Variants in FBXL20 observed in about 807,000 individuals in gnomAD.
FBXL20 encodes the protein F-box and leucine rich repeat protein 20, also known as F-box/LRR-repeat protein 20.
Under a neutral mutation model 64.0 loss-of-function variants are expected in FBXL20, and 11 were observed. The ratio of observed to expected loss-of-function variants is 0.17; its 90% confidence interval spans 0.11 to 0.28. FBXL20 has a LOEUF of 0.28. Among genes scored for constraint, FBXL20 ranks in the 10% least tolerant of loss-of-function variants. The probability of loss-of-function intolerance (pLI) is 1.00; values close to 1 mark genes in which losing one functional copy is unlikely to be tolerated. For missense variants in FBXL20, 303 were observed against 526.2 expected, an observed-to-expected ratio of 0.58 and a Z score of 4.15; for synonymous variants, 184 against 189.0, an observed-to-expected ratio of 0.97 and a Z score of 0.22.
chr17:39,328,427 T>G (rs187902939), intron 2 of FBXL20, among the ~76,000 whole-genome samples: 11 of 152,118 alleles, frequency 7.2e-5, no homozygotes, highest in Non-Finnish European at 1.5e-4. Flanking sequence ...CAATGAATGA[T>G]GGGAACATAT....
At chr17:39,363,805 TATCTCAA>T (rs2047823386) in intron 1 of FBXL20, among the ~76,000 whole-genome samples, 1 of 55,030 alleles carries the variant, frequency 1.8e-5, no homozygotes, top group Non-Finnish European at 3.1e-5. Flanking sequence ...AGCAAGACTT[TATCTCAA>T]AAAAAAAAAA....
At chr17:39,388,515 G>T (rs754906385) in intron 1 of FBXL20, among the ~76,000 whole-genome samples, 1 of 146,078 alleles carries the variant, frequency 6.8e-6, no homozygotes, top group Non-Finnish European at 1.5e-5. Context: ...ACGGCGTCTC[G>T]CTCTGTCGCC....
chr17:39,363,827 C>CAAAAAAAAAAAAAAA (rs1555612706), intron 1 of FBXL20, among the ~76,000 whole-genome samples: 3 of 78,006 alleles, frequency 3.8e-5, no homozygotes, highest in Admixed American at 1.7e-4. Context: ...AAAAAAAAAA[C>CAAAAAAAAAAAAAAA]AAAAAACAAA....
chr17:39,284,873 C>A (rs1287584134), intron 7 of FBXL20, among the ~76,000 whole-genome samples: 3 of 152,090 alleles, frequency 2.0e-5, no homozygotes, highest in Non-Finnish European at 2.9e-5. Flanking sequence ...CTTAAAGTAC[C>A]TGGTTAATAA....
chr17:39,271,714 G>A (rs1191742776), intron 10 of FBXL20, among the ~76,000 whole-genome samples: 15 of 151,876 alleles, frequency 9.9e-5, no homozygotes, highest in Non-Finnish European at 2.9e-5. Context: ...AGGCTCCCAT[G>A]GAGGCCCAGT....
intron 1 of FBXL20, among the ~76,000 whole-genome samples, chr17:39,347,403 C>A (rs890287857): frequency 6.6e-6 from 1 of 152,144 alleles, no homozygotes; most frequent in Non-Finnish European, 1.5e-5. Context: ...GAGATGGTAT[C>A]TCATTATGGT....
intron 2 of FBXL20, among the ~76,000 whole-genome samples, chr17:39,325,496 C>G (rs1204202823): frequency 6.6e-6 from 1 of 151,904 alleles, no homozygotes; most frequent in African/African-American, 2.4e-5. Context: ...GGAAAGTGAA[C>G]AAAAACAGGT....
chr17:39,362,486 G>A (rs548971634), intron 1 of FBXL20, among the ~76,000 whole-genome samples: 4 of 151,406 alleles, frequency 2.6e-5, no homozygotes, highest in Admixed American at 2.6e-4. Context: ...ACCACACCCA[G>A]CTAATTTTCT....
intron 2 of FBXL20, among the ~76,000 whole-genome samples, chr17:39,322,163 CAAAAA>C (rs761771926): frequency 3.8e-4 from 20 of 52,546 alleles, no homozygotes; most frequent in Admixed American, 1.4e-3. Context: ...CTATCTCTAC[CAAAAA>C]AAAAAAAAAA....
intron 1 of FBXL20, among the ~76,000 whole-genome samples, chr17:39,354,330 T>C (rs1290962909): frequency 6.6e-6 from 1 of 152,220 alleles, no homozygotes; most frequent in Non-Finnish European, 1.5e-5. Flanking sequence ...AGAGTACCTG[T>C]GCAATGAAAT....
intron 1 of FBXL20, among the ~76,000 whole-genome samples, chr17:39,382,851 CTAAATTTTA>C (rs759381535): frequency 4.0e-5 from 6 of 151,650 alleles, no homozygotes; most frequent in Non-Finnish European, 8.8e-5. Context: ...ATAAGATAAA[CTAAATTTTA>C]AAAATTTAAG....
intron 9 of FBXL20, among the ~76,000 whole-genome samples, chr17:39,279,549 T>C (rs1379888757): frequency 6.6e-6 from 1 of 151,326 alleles, no homozygotes; most frequent in African/African-American, 2.4e-5. Context: ...CATGAGCAAC[T>C]CTCACTCCAA....
chr17:39,291,097 G>C (rs2047034190), intron 6 of FBXL20, among the ~76,000 whole-genome samples: 1 of 151,768 alleles, frequency 6.6e-6, no homozygotes, highest in African/African-American at 2.4e-5. Flanking sequence ...GAGCAGCTGG[G>C]ACTACAGGAG....
At chr17:39,272,976 A>C (rs1387215659) in intron 10 of FBXL20, among the ~76,000 whole-genome samples, 1 of 152,172 alleles carries the variant, frequency 6.6e-6, no homozygotes, top group East Asian at 1.9e-4. Flanking sequence ...TTCTGATATT[A>C]CTAATTTTGA....
At chr17:39,354,443 A>G (rs1002174597) in intron 1 of FBXL20, among the ~76,000 whole-genome samples, 1 of 152,132 alleles carries the variant, frequency 6.6e-6, no homozygotes, top group African/African-American at 2.4e-5. Flanking sequence ...TCCTTCTCCT[A>G]TGAAACCTCA....
intron 1 of FBXL20, among the ~76,000 whole-genome samples, chr17:39,380,395 A>T (rs1487222176): frequency 1.3e-5 from 2 of 152,208 alleles, no homozygotes; most frequent in African/African-American, 4.8e-5. Flanking sequence ...CTTCACTATG[A>T]TCTGACTACA....
intron 2 of FBXL20, among the ~76,000 whole-genome samples, chr17:39,323,924 C>T (rs1332041429): frequency 6.7e-6 from 1 of 150,326 alleles, no homozygotes; most frequent in Non-Finnish European, 1.5e-5. Flanking sequence ...TGCCACCACG[C>T]CTGGCTATTT....
At chr17:39,337,890 A>G (rs2047543143) in intron 2 of FBXL20, among the ~76,000 whole-genome samples, 1 of 149,334 alleles carries the variant, frequency 6.7e-6, no homozygotes, top group African/African-American at 2.5e-5. Context: ...CCGCCCGGCC[A>G]GCCACCCTAT....
intron 3 of FBXL20, among the ~76,000 whole-genome samples, chr17:39,302,412 C>T (rs2047144698): frequency 1.4e-5 from 2 of 143,666 alleles, no homozygotes; most frequent in Non-Finnish European, 3.0e-5. Flanking sequence ...CTCGTTCTGT[C>T]GCCCAGGCTG....
Sources: gnomAD v4.1 joint callset for allele counts (sites outside exome capture counted in the v4.1 genomes callset) on GRCh38, gnomAD v4.1.1 for gene constraint, MANE v1.5 for transcripts, NCBI Gene and HGNC (gene_info 2026-07-23, HGNC 2026-07-21) for gene names.